Variants in MBD5 observed in about 807,000 individuals in gnomAD.
The protein encoded by MBD5 is methyl-CpG-binding domain protein 5.
Under a neutral mutation model 117.3 loss-of-function variants are expected in MBD5, and 13 were observed. The observed-to-expected ratio is 0.11, with a 90% CI of 0.07 to 0.18. The LOEUF (loss-of-function observed/expected upper bound fraction) is 0.18, where lower values mean the gene tolerates loss of function less well. Among genes scored for constraint, MBD5 ranks in the 10% least tolerant of loss-of-function variants. The pLI is 1.00. For missense variants in MBD5, 1,879 were observed against 2,093.8 expected, an observed-to-expected ratio of 0.90 and a Z score of 2.00; for synonymous variants, 727 against 766.4, an observed-to-expected ratio of 0.95 and a Z score of 0.85.
At chr2:148,121,510 T>C (rs979605108) in intron 1 of MBD5, among the ~76,000 whole-genome samples, 2 of 152,046 alleles carry the variant, frequency 1.3e-5, no homozygotes, top group South Asian at 2.1e-4. Flanking sequence ...AAGCAGGTAA[T>C]GTAAGATTCA....
chr2:148,450,889 A>G (rs1432250358), intron 4 of MBD5, among the ~76,000 whole-genome samples: 1 of 152,162 alleles, frequency 6.6e-6, no homozygotes, highest in Non-Finnish European at 1.5e-5. Context: ...TGGAATAAAT[A>G]AACTTATTGA....
chr2:148,422,008 C>T (rs995803870), intron 4 of MBD5, among the ~76,000 whole-genome samples: 1 of 152,236 alleles, frequency 6.6e-6, no homozygotes, highest in Non-Finnish European at 1.5e-5. Context: ...GGTGCAGCTT[C>T]AGCAGACTTA....
At chr2:148,340,864 A>G (rs985530483) in intron 3 of MBD5, among the ~76,000 whole-genome samples, 2 of 150,816 alleles carry the variant, frequency 1.3e-5, no homozygotes, top group African/African-American at 2.5e-5. Flanking sequence ...ACACACACAC[A>G]CACACACACA....
intron 1 of MBD5, among the ~76,000 whole-genome samples, chr2:148,163,079 A>T (rs923849151): frequency 1.3e-5 from 2 of 152,244 alleles, no homozygotes; most frequent in African/African-American, 4.8e-5. Flanking sequence ...CCAGCATGTT[A>T]AGATAATTCA....
chr2:148,436,698 G>T (rs1188770462), intron 4 of MBD5, among the ~76,000 whole-genome samples: 1 of 152,104 alleles, frequency 6.6e-6, no homozygotes, highest in Non-Finnish European at 1.5e-5. Context: ...ATGTAGAAAT[G>T]ATGGAATTGA....
At chr2:148,183,147 G>A (rs1284711156) in intron 2 of MBD5, among the ~76,000 whole-genome samples, 3 of 152,076 alleles carry the variant, frequency 2.0e-5, no homozygotes, top group African/African-American at 7.2e-5. Flanking sequence ...TCATGTTCAG[G>A]AAAGTAAGTG....
chr2:148,307,647 C>CT (rs905194778), intron 3 of MBD5, among the ~76,000 whole-genome samples: 5 of 152,070 alleles, frequency 3.3e-5, no homozygotes, highest in African/African-American at 7.2e-5. Context: ...ATTGCTTATA[C>CT]TTTTTTTATT....
intron 4 of MBD5, among the ~76,000 whole-genome samples, chr2:148,362,746 G>A (rs1036335981): frequency 1.3e-5 from 2 of 152,152 alleles, no homozygotes; most frequent in Non-Finnish European, 2.9e-5. Context: ...ACTCCAGCTG[G>A]CATCTAGTGG....
At chr2:148,387,969 G>T (rs1228120373) in intron 4 of MBD5, among the ~76,000 whole-genome samples, 1 of 152,098 alleles carries the variant, frequency 6.6e-6, no homozygotes, top group African/African-American at 2.4e-5. Flanking sequence ...TCCTAACAGG[G>T]TTTTTGGGGA....
At chr2:148,380,579 T>C (rs1451303875) in intron 4 of MBD5, among the ~76,000 whole-genome samples, 1 of 152,218 alleles carries the variant, frequency 6.6e-6, no homozygotes, top group African/African-American at 2.4e-5. Context: ...ATATATATAG[T>C]CTTAATCACT....
Position 148,379,657 on chromosome 2 carries a change from A to G in MBD5, c.-557+37321A>G, listed in dbSNP as rs1704079930. 2.6e-5 allele frequency among the ~76,000 whole-genome samples: 4 copies of G among 152,094 alleles called. No individual in the cohort carries two copies. In the South Asian group the frequency reaches 8.3e-4, roughly 31 times the overall value. On this transcript the variant is annotated intron_variant, in intron 4 of 13. Transcript: ENST00000642680. ...CACCATTACTGCTGCTATTAATACT[A>G]CTAATAGGTATTATTATCTTATCTA...
At chr2:148,447,878 T>TAAA (rs1706616055) in intron 4 of MBD5, 1 of 152,160 alleles carries the variant, frequency 6.6e-6, no homozygotes, top group African/African-American at 2.4e-5. Flanking sequence ...TCCTCCTGTG[T>TAAA]ATGGCTGGTC....
intron 3 of MBD5, among the ~76,000 whole-genome samples, chr2:148,308,578 C>T (rs1408918324): frequency 7.4e-6 from 1 of 135,402 alleles, no homozygotes; most frequent in Non-Finnish European, 1.5e-5. Context: ...GAATAGGTTG[C>T]AAACATTTTC....
intron 2 of MBD5, among the ~76,000 whole-genome samples, chr2:148,230,320 C>T (rs1473881792): frequency 6.6e-6 from 1 of 152,190 alleles, no homozygotes; most frequent in African/African-American, 2.4e-5. Context: ...GAGCCTCACC[C>T]TATGGCTACC....
chr2:148,356,290 C>T (rs555774349), intron 4 of MBD5, among the ~76,000 whole-genome samples: 8 of 152,078 alleles, frequency 5.3e-5, no homozygotes, highest in Non-Finnish European at 1.0e-4. Flanking sequence ...AGTAGGGCCT[C>T]CCTTGCCATA....
intron 4 of MBD5, chr2:148,447,487 A>G (rs1000747388): frequency 3.3e-5 from 5 of 152,206 alleles, no homozygotes; most frequent in South Asian, 2.1e-4. Context: ...ATAAATGGTT[A>G]TTTAGCAAAA....
At chr2:148,241,626 A>G (rs1438011627) in intron 3 of MBD5, among the ~76,000 whole-genome samples, 1 of 151,878 alleles carries the variant, frequency 6.6e-6, no homozygotes, top group African/African-American at 2.4e-5. Flanking sequence ...CTCGATTTTC[A>G]GCCATTCTCT....
At chr2:148,288,229 T>C (rs997538044) in intron 3 of MBD5, among the ~76,000 whole-genome samples, 4 of 110,318 alleles carry the variant, frequency 3.6e-5, no homozygotes, top group African/African-American at 1.3e-4. Flanking sequence ...TGAAACCCCG[T>C]CTCTACTAAA....
At chr2:148,440,774 G>C (rs998292431) in intron 4 of MBD5, among the ~76,000 whole-genome samples, 28 of 152,200 alleles carry the variant, frequency 1.8e-4, no homozygotes, top group Admixed American at 1.8e-3. Context: ...CATGTAGGAT[G>C]AAAGAGGAAT....
Sources: allele counts gnomAD v4.1 joint callset (sites outside exome capture counted in the v4.1 genomes callset), GRCh38; gene constraint gnomAD v4.1.1; transcripts MANE v1.5; gene names NCBI Gene and HGNC (gene_info 2026-07-23, HGNC 2026-07-21).